Variants in GRM7 observed in about 807,000 individuals in gnomAD.
GRM7 encodes metabotropic glutamate receptor 7.
GRM7 carries 35 observed loss-of-function variants against 84.5 expected under a neutral mutation model. That is an observed-to-expected ratio of 0.41 (90% CI 0.32 to 0.55). GRM7 has a LOEUF of 0.55. Among genes scored for constraint, GRM7 ranks in the 20% least tolerant of loss-of-function variants. The pLI is 0.19. For missense variants in GRM7, 1,003 were observed against 1,194.6 expected (o/e 0.84, Z 2.36); for synonymous variants, 487 against 455.1 (o/e 1.07, Z -0.89).
intron 1 of GRM7, among the ~76,000 whole-genome samples, chr3:7,002,392 T>C (rs1695043407): frequency 6.6e-6 from 1 of 152,228 alleles, no homozygotes; most frequent in Non-Finnish European, 1.5e-5. Context: ...ATAGCTCCTA[T>C]GTACCATTTA....
At chr3:7,123,545 G>A (rs1031514702) in intron 1 of GRM7, among the ~76,000 whole-genome samples, 1 of 152,084 alleles carries the variant, frequency 6.6e-6, no homozygotes, top group African/African-American at 2.4e-5. Context: ...CTTGAACCCA[G>A]GAGGCGGAGG....
chr3:7,028,025 C>A (rs1696043967), intron 1 of GRM7, among the ~76,000 whole-genome samples: 1 of 149,084 alleles, frequency 6.7e-6, no homozygotes. Context: ...TTTTCTTCTA[C>A]TGCTTATCTA....
chr3:7,550,699 G>T (rs912537306), intron 7 of GRM7, among the ~76,000 whole-genome samples: 2 of 147,756 alleles, frequency 1.4e-5, no homozygotes, highest in African/African-American at 5.0e-5. Context: ...ACCTTTCTTT[G>T]CTGTGTATGC....
chr3:6,966,262 G>A (rs1213802556), intron 1 of GRM7, among the ~76,000 whole-genome samples: 5 of 152,112 alleles, frequency 3.3e-5, no homozygotes, highest in South Asian at 4.1e-4. Flanking sequence ...AGTGTAGGCA[G>A]GAGGTGAAAG....
chr3:7,462,242 T>G lies in GRM7; in HGVS notation c.1515+520T>G, dbSNP rs929871289. On this transcript the variant is annotated intron_variant, in intron 7 of 9. Transcript: ENST00000357716. ...TAAGCAGCCACTTTCCTTCACAAGA[T>G]TATGTCAAATCCATCAGCCAATGTC... 5.9e-5 allele frequency among the ~76,000 whole-genome samples: 9 copies of G among 152,318 alleles called. No individual in the cohort carries two copies. In the East Asian group the frequency reaches 1.7e-3, roughly 29 times the overall value.
intron 3 of GRM7, among the ~76,000 whole-genome samples, chr3:7,300,168 C>G (rs1365187865): frequency 6.6e-6 from 1 of 152,066 alleles, no homozygotes; most frequent in Non-Finnish European, 1.5e-5. Context: ...TCTTATAGTT[C>G]AAAATAATAT....
At chr3:7,458,171 A>C (rs1389325987) in intron 6 of GRM7, among the ~76,000 whole-genome samples, 1 of 152,202 alleles carries the variant, frequency 6.6e-6, no homozygotes, top group African/African-American at 2.4e-5. Context: ...AAAGAAACTC[A>C]GATACTCTCA....
intron 1 of GRM7, among the ~76,000 whole-genome samples, chr3:7,099,238 GTATA>G (rs1698967374): frequency 1.8e-5 from 2 of 114,048 alleles, no homozygotes; most frequent in Non-Finnish European, 1.6e-5. Context: ...TATTATACAT[GTATA>G]TATGAATACA....
chr3:7,266,638 T>G (rs868777524), intron 2 of GRM7, among the ~76,000 whole-genome samples: 1 of 152,214 alleles, frequency 6.6e-6, no homozygotes, highest in Non-Finnish European at 1.5e-5. Flanking sequence ...CTCTTTTATT[T>G]TTCAACTCGG....
At position 7,066,486 on chromosome 3, in the gene GRM7, AC is replaced by A. The variant is rs574636145; in HGVS notation, c.520-79963del. On this transcript the variant is annotated intron_variant, in intron 1 of 9. Transcript: ENST00000357716. ...TAGCTTAAATCGGGAAGAATTAGATACCCTGAACAGACCAATAACAAGCAGC... is the reference window on the plus strand; with the variant it reads ...TAGCTTAAATCGGGAAGAATTAGATACCTGAACAGACCAATAACAAGCAGC... Among the ~76,000 whole-genome samples, 472 of 151,974 alleles carry A rather than the reference AC, an allele frequency of 3.1e-3. 3 individuals are homozygous for A. The highest frequency in any genetic ancestry group is 0.011 in the African/African-American group (447 of 41,514).
At chr3:7,409,007 A>G (rs1372290126) in intron 4 of GRM7, among the ~76,000 whole-genome samples, 1 of 152,216 alleles carries the variant, frequency 6.6e-6, no homozygotes, top group Admixed American at 6.5e-5. Flanking sequence ...TCTCCACTAC[A>G]TTAAATTCTC....
At chr3:7,057,941 A>G (rs1490332303) in intron 1 of GRM7, among the ~76,000 whole-genome samples, 1 of 151,984 alleles carries the variant, frequency 6.6e-6, no homozygotes, top group African/African-American at 2.4e-5. Context: ...TAGACAGGTC[A>G]TATTTTGTAT....
At chr3:7,247,108 T>TA (rs1697792047) in intron 2 of GRM7, among the ~76,000 whole-genome samples, 1 of 152,208 alleles carries the variant, frequency 6.6e-6, no homozygotes, top group East Asian at 1.9e-4. Flanking sequence ...TCTACATATT[T>TA]AAAAAAATAA....
intron 7 of GRM7, among the ~76,000 whole-genome samples, chr3:7,542,052 C>T (rs1575473006): frequency 6.6e-6 from 1 of 152,266 alleles, no homozygotes; most frequent in East Asian, 1.9e-4. Context: ...GTCTCTTTGT[C>T]TCTATTTTCT....
intron 1 of GRM7, among the ~76,000 whole-genome samples, chr3:6,929,929 T>A (rs1043095589): frequency 5.3e-5 from 8 of 152,154 alleles, no homozygotes; most frequent in Admixed American, 6.5e-5. Context: ...GATCAATACC[T>A]CATACAAATT....
At chr3:7,334,177 A>G (rs570518152) in intron 4 of GRM7, among the ~76,000 whole-genome samples, 104 of 152,250 alleles carry the variant, frequency 6.8e-4, no homozygotes, top group Non-Finnish European at 1.3e-3. Flanking sequence ...TAAATTCAAG[A>G]TAAAGGAAAG....
rs557812358 is a variant in GRM7 at position 7,259,035 on chromosome 3, G to T, written c.737-39649G>T. ...ATTAATGCACTGGCATTGGCCTACT[G>T]CTAGGTTGGAGCCAGATAGAGCACT... On this transcript the variant is annotated intron_variant, in intron 2 of 9. Coordinates refer to ENST00000357716, the MANE Select transcript of GRM7 (RefSeq NM_000844.4). Among the ~76,000 whole-genome samples, 14 of 152,106 alleles carry T rather than the reference G, an allele frequency of 9.2e-5. No individual in the cohort carries two copies. In the East Asian group the frequency reaches 2.7e-3, roughly 29 times the overall value.
intron 8 of GRM7, among the ~76,000 whole-genome samples, chr3:7,589,599 T>C (rs897214196): frequency 6.6e-6 from 1 of 152,156 alleles, no homozygotes; most frequent in African/African-American, 2.4e-5. Flanking sequence ...ACGTCCCATA[T>C]TATTCCAGGG....
intron 2 of GRM7, among the ~76,000 whole-genome samples, chr3:7,263,791 C>T (rs529517835): frequency 6.0e-4 from 91 of 152,110 alleles, no homozygotes; most frequent in African/African-American, 2.0e-3. Context: ...CCAATAGTCC[C>T]ACAGCAATGG....
Sources: gnomAD v4.1 joint callset for allele counts (sites outside exome capture counted in the v4.1 genomes callset) on GRCh38, gnomAD v4.1.1 for gene constraint, MANE v1.5 for transcripts, NCBI Gene and HGNC (gene_info 2026-07-23, HGNC 2026-07-21) for gene names.